The following PDCD1LG2 variants were observed in gnomAD, a reference collection of about 807,000 sequenced individuals.
PDCD1LG2 encodes the protein programmed cell death 1 ligand 2.
PDCD1LG2 carries 32 observed loss-of-function variants against 28.2 expected under a neutral mutation model. That is an observed-to-expected ratio of 1.13 (90% CI 0.86 to 1.52). The LOEUF (loss-of-function observed/expected upper bound fraction) is 1.52. Among genes scored for constraint, PDCD1LG2 ranks in the 40% most tolerant of loss-of-function variants. PDCD1LG2 has a pLI of 0.00. For synonymous variants in PDCD1LG2, 116 were observed against 120.2 expected (o/e 0.97, Z 0.23); for missense variants, 385 against 323.8 (o/e 1.19, Z -1.45).
At chr9:5,567,997 G>A (rs970193119) in intron 6 of PDCD1LG2, among the ~76,000 whole-genome samples, 2 of 152,134 alleles carry the variant, frequency 1.3e-5, no homozygotes, top group African/African-American at 4.8e-5. Context: ...CCTGAGAACT[G>A]ACCACAGCGT....
At chr9:5,562,802 C>T (rs1231091156) in intron 5 of PDCD1LG2, among the ~76,000 whole-genome samples, 1 of 152,170 alleles carries the variant, frequency 6.6e-6, no homozygotes, top group Non-Finnish European at 1.5e-5. Context: ...GACATTCTGA[C>T]CTGGACCAGG....
chr9:5,559,832 T>G, intron 5 of PDCD1LG2, among the ~76,000 whole-genome samples: 1 of 152,224 alleles, frequency 6.6e-6, no homozygotes, highest in South Asian at 2.1e-4. Context: ...CAGGATGGTT[T>G]GACTCATGTC....
At chr9:5,525,576 T>C (rs896490057) in intron 2 of PDCD1LG2, among the ~76,000 whole-genome samples, 10 of 151,792 alleles carry the variant, frequency 6.6e-5, no homozygotes, top group Non-Finnish European at 1.2e-4. Flanking sequence ...TCTATTATTA[T>C]ATAGCATGTA....
At chr9:5,542,167 AT>A (rs1820699718) in intron 3 of PDCD1LG2, among the ~76,000 whole-genome samples, 1 of 152,170 alleles carries the variant, frequency 6.6e-6, no homozygotes, top group African/African-American at 2.4e-5. Context: ...ATCTTACCTT[AT>A]AAAAAATCAA....
At chr9:5,538,482 G>A (rs541896675) in intron 3 of PDCD1LG2, among the ~76,000 whole-genome samples, 3 of 151,574 alleles carry the variant, frequency 2.0e-5, no homozygotes, top group East Asian at 1.9e-4. Context: ...TCAGGAGATC[G>A]AGACCATCCT....
At chr9:5,553,527 T>A (rs945978161) in intron 4 of PDCD1LG2, among the ~76,000 whole-genome samples, 12 of 152,152 alleles carry the variant, frequency 7.9e-5, no homozygotes, top group African/African-American at 2.7e-4. Context: ...ATGAGATGAA[T>A]TGAGAAATAA....
chr9:5,544,660 T>C (rs2129850280), intron 3 of PDCD1LG2, among the ~76,000 whole-genome samples: 1 of 152,314 alleles, frequency 6.6e-6, no homozygotes, highest in East Asian at 1.9e-4. Context: ...AAAGGTGGGA[T>C]AATAATACAG....
intron 3 of PDCD1LG2, among the ~76,000 whole-genome samples, chr9:5,537,048 C>G (rs1820593795): frequency 6.6e-6 from 1 of 152,146 alleles, no homozygotes; most frequent in Admixed American, 6.5e-5. Flanking sequence ...GACTAAAAAC[C>G]CTTTTGCAAA....
chr9:5,556,278 C>A (rs1816440442), intron 4 of PDCD1LG2, among the ~76,000 whole-genome samples: 1 of 152,168 alleles, frequency 6.6e-6, no homozygotes, highest in Non-Finnish European at 1.5e-5. Flanking sequence ...GCCCAGGTCT[C>A]CTTGACTCAC....
At chr9:5,520,800 G>C (rs574291508) in intron 1 of PDCD1LG2, among the ~76,000 whole-genome samples, 1 of 152,280 alleles carries the variant, frequency 6.6e-6, no homozygotes, top group South Asian at 2.1e-4. Flanking sequence ...TTGATAAATA[G>C]TTTGGCAATT....
chr9:5,561,363 T>C (rs149263425), intron 5 of PDCD1LG2, among the ~76,000 whole-genome samples: 10 of 152,336 alleles, frequency 6.6e-5, no homozygotes, highest in African/African-American at 1.4e-4. Context: ...CAAAAATTGC[T>C]TGTGGCAAGG....
At chr9:5,544,306 G>T (rs1820749779) in intron 3 of PDCD1LG2, among the ~76,000 whole-genome samples, 1 of 152,190 alleles carries the variant, frequency 6.6e-6, no homozygotes, top group Non-Finnish European at 1.5e-5. Flanking sequence ...TAGTGAAAAG[G>T]GGGAAGGCAG....
intron 2 of PDCD1LG2, among the ~76,000 whole-genome samples, chr9:5,527,708 T>C (rs1336580413): frequency 6.6e-6 from 1 of 152,234 alleles, no homozygotes; most frequent in African/African-American, 2.4e-5. Flanking sequence ...GGTAAGTGTA[T>C]GGTTTATTGT....
intron 2 of PDCD1LG2, among the ~76,000 whole-genome samples, chr9:5,533,430 T>C (rs1258032852): frequency 1.3e-5 from 2 of 152,082 alleles, no homozygotes; most frequent in African/African-American, 4.8e-5. Context: ...TTTGCACTGG[T>C]AAATAGAGAA....
At chr9:5,526,041 C>T (rs562403287) in intron 2 of PDCD1LG2, among the ~76,000 whole-genome samples, 2,403 of 106,968 alleles carry the variant, frequency 0.022, 28 homozygotes, top group African/African-American at 0.028. Flanking sequence ...AGTGAGACTC[C>T]GTCTCAAAAA....
chr9:5,567,897 CT>C (rs1816695969), intron 6 of PDCD1LG2, among the ~76,000 whole-genome samples: 1 of 152,152 alleles, frequency 6.6e-6, no homozygotes. Context: ...AAGAAGCCAG[CT>C]TTCTATATAC....
At chr9:5,517,734 G>T (rs1022718456) in intron 1 of PDCD1LG2, among the ~76,000 whole-genome samples, 2 of 152,212 alleles carry the variant, frequency 1.3e-5, no homozygotes, top group African/African-American at 4.8e-5. Context: ...GGAAGCAGTG[G>T]AGGTGGTGAG....
chr9:5,554,102 T>C (rs1419712360), intron 4 of PDCD1LG2, among the ~76,000 whole-genome samples: 1 of 152,206 alleles, frequency 6.6e-6, no homozygotes, highest in African/African-American at 2.4e-5. Context: ...GGACCATTTG[T>C]TTGCCTTGTA....
rs1816600818 is a variant in PDCD1LG2 at position 5,563,211 on chromosome 9, TGTGA to T, written c.816+3_816+6del. 1.2e-5 allele frequency: 20 copies of T among 1,610,378 alleles called. No individual in the cohort carries two copies. The highest frequency in any genetic ancestry group is 2.2e-5 in the East Asian group (1 of 44,854). On this transcript the variant is annotated splice_donor_variant and splice_donor_region_variant and intron_variant, in intron 6 of 6. Transcript: ENST00000397747. LOFTEE classifies it high-confidence loss of function. ...CAACAAAGAGGGAAGTGAACAGTGC[TGTGA>T]GTAAGCATGATTTTTACTTTTCTTT...
Sources: allele counts gnomAD v4.1 joint callset (sites outside exome capture counted in the v4.1 genomes callset), GRCh38; gene constraint gnomAD v4.1.1; transcripts MANE v1.5; gene names NCBI Gene and HGNC (gene_info 2026-07-23, HGNC 2026-07-21).